Variants in DIRAS2 observed in about 807,000 individuals in gnomAD.
DIRAS2 encodes DIRAS family GTPase 2, also known as GTP-binding protein Di-Ras2.
In DIRAS2, 5 loss-of-function variants were observed where a neutral mutation model predicts 13.9. That is an observed-to-expected ratio of 0.36 (90% CI 0.19 to 0.76). The LOEUF is 0.76. Among genes scored for constraint, DIRAS2 ranks in the 30% least tolerant of loss-of-function variants. DIRAS2 has a pLI of 0.53. For synonymous variants in DIRAS2, 111 were observed against 105.4 expected (o/e 1.05, Z -0.33); for missense variants, 191 against 263.0 (o/e 0.73, Z 1.89).
rs149829847 is a variant in DIRAS2 at position 90,615,092 on chromosome 9, T to C, written c.-36-1229A>G. Among the ~76,000 whole-genome samples the C allele has an allele frequency of 5.9e-3, 897 of 152,368 alleles. 7 individuals carry two copies. Among genetic ancestry groups the C allele is most frequent in the South Asian group, 0.034 (162 of 4,830 alleles). On this transcript the variant is annotated intron_variant, in intron 1 of 1. Coordinates refer to ENST00000375765, the MANE Select transcript of DIRAS2 (RefSeq NM_017594.5). The stretch of plus-strand genomic sequence containing the variant: ...GCATTGTGCTGACTTTTCACCTTTC[T>C]AGTTTTAGGGCAACTTTGGAAAAAC...
At chr9:90,621,892 A>G (rs1409136482) in intron 1 of DIRAS2, among the ~76,000 whole-genome samples, 3 of 152,206 alleles carry the variant, frequency 2.0e-5, no homozygotes, top group Non-Finnish European at 4.4e-5. Context: ...TAAGATTTCC[A>G]GCTATGTTAT....
chr9:90,626,845 A>G (rs1260602172), intron 1 of DIRAS2, among the ~76,000 whole-genome samples: 1 of 152,204 alleles, frequency 6.6e-6, no homozygotes, highest in African/African-American at 2.4e-5. Context: ...CCGAAGGTGG[A>G]AGCAACCCAA....
Position 90,610,927 on chromosome 9 carries a change from A to T in DIRAS2, c.*2301T>A, listed in dbSNP as rs1337680476. On this transcript the variant is annotated 3_prime_UTR_variant, in exon 2 of 2. Transcript: ENST00000375765. ...AAACTGATTTGAAAGGGATAAAAGA[A>T]ATTCTGACTTACAATCAGTAGAAAT... The T allele has an allele frequency of 6.6e-6, 1 of 152,336 alleles. No homozygotes were observed. Among genetic ancestry groups the T allele is most frequent in the Non-Finnish European group, 1.5e-5 (1 of 68,118 alleles). 9.4% of individuals were successfully genotyped at this position (152,336 alleles called of 1,614,324 possible). A position where few individuals can be genotyped will look rare whatever the true frequency, so the allele number is the denominator to read the frequency against.
chr9:90,624,042 G>A (rs1825245778), intron 1 of DIRAS2, among the ~76,000 whole-genome samples: 1 of 151,630 alleles, frequency 6.6e-6, no homozygotes, highest in South Asian at 2.1e-4. Context: ...AAGCTAAAAG[G>A]TTTATACAGA....
At position 90,613,409 on chromosome 9, in the gene DIRAS2, G is replaced by C; in HGVS notation, c.419C>G (p.Ala140Gly). 6.2e-7 allele frequency: 1 copy of C among 1,614,110 alleles called. No homozygotes were observed. Among genetic ancestry groups the C allele is most frequent in the Non-Finnish European group, 8.5e-7 (1 of 1,180,026 alleles). ...CATGAAGGCACACTTCCATGTGCGGGCCAAGGCCTCCGCCTCGCTGCTCTG... is the reference window on the plus strand; with the variant it reads ...CATGAAGGCACACTTCCATGTGCGGCCCAAGGCCTCCGCCTCGCTGCTCTG... ...EVQSSEAEAL[A>G]RTWKCAFMET... The change falls in exon 2 of 2, where the codon GCC becomes GGC. Residue 140 changes from alanine (A) to glycine (G), a missense_variant. Physicochemically the swap from Ala to Gly is moderately conservative, Grantham distance 60 (BLOSUM62 0). Transcript: ENST00000375765. This position sits in a 1 kb window ranked among gnomAD's most constrained non-coding sequence, Gnocchi z 5.6.
chr9:90,639,908 G>T (rs4744473), intron 1 of DIRAS2, among the ~76,000 whole-genome samples: 53,684 of 152,020 alleles, frequency 0.35, 9,909 homozygotes, highest in South Asian at 0.56. Context: ...CGCCGAACAT[G>T]TTAGCTTTTA....
chr9:90,629,947 G>T (rs1044484684), intron 1 of DIRAS2, among the ~76,000 whole-genome samples: 8 of 152,152 alleles, frequency 5.3e-5, no homozygotes, highest in African/African-American at 1.7e-4. Context: ...TTAGGCAAAA[G>T]TACAAATGTT....
intron 1 of DIRAS2, among the ~76,000 whole-genome samples, chr9:90,615,238 G>C (rs1263068695): frequency 6.6e-6 from 1 of 152,188 alleles, no homozygotes; most frequent in Non-Finnish European, 1.5e-5. Context: ...CAGAACATCA[G>C]GTCAAAGCCC....
At chr9:90,624,535 G>A (rs1587722718) in intron 1 of DIRAS2, among the ~76,000 whole-genome samples, 1 of 152,130 alleles carries the variant, frequency 6.6e-6, no homozygotes, top group African/African-American at 2.4e-5. Context: ...GATAAATGGG[G>A]CACTTCTTGG....
intron 1 of DIRAS2, among the ~76,000 whole-genome samples, chr9:90,625,048 T>A (rs946151049): frequency 6.6e-5 from 10 of 152,234 alleles, no homozygotes; most frequent in African/African-American, 2.4e-4. Context: ...CAAACAAGAT[T>A]GTTGTCTTGG....
intron 1 of DIRAS2, among the ~76,000 whole-genome samples, chr9:90,629,270 A>G (rs1315986349): frequency 5.9e-5 from 9 of 152,230 alleles, no homozygotes; most frequent in South Asian, 2.1e-4. Context: ...CATAAAAACA[A>G]ATCTCTATAC....
At chr9:90,616,422 TATATC>T (rs1370892440) in intron 1 of DIRAS2, among the ~76,000 whole-genome samples, 6 of 152,120 alleles carry the variant, frequency 3.9e-5, no homozygotes, top group Admixed American at 6.6e-5. Context: ...TTTAATAAAT[TATATC>T]ATAGCAAGTG....
At chr9:90,620,684 A>G (rs1008044696) in intron 1 of DIRAS2, among the ~76,000 whole-genome samples, 1 of 151,968 alleles carries the variant, frequency 6.6e-6, no homozygotes, top group Non-Finnish European at 1.5e-5. Flanking sequence ...TGAACCCAGG[A>G]GCAGAGATCA....
intron 1 of DIRAS2, among the ~76,000 whole-genome samples, chr9:90,632,046 T>C (rs757605351): frequency 3.3e-5 from 5 of 152,202 alleles, no homozygotes; most frequent in African/African-American, 1.2e-4. Context: ...CATGAATCAC[T>C]TTCTCCATTG....
At chr9:90,635,228 T>C (rs1825359733) in intron 1 of DIRAS2, among the ~76,000 whole-genome samples, 1 of 152,232 alleles carries the variant, frequency 6.6e-6, no homozygotes, top group Admixed American at 6.5e-5. Context: ...GATGAACATT[T>C]CACGCCATGC....
In DIRAS2 at chr9:90,610,576, G is replaced by A; in HGVS notation, c.*2652C>T. On this transcript the variant is annotated 3_prime_UTR_variant, in exon 2 of 2. Coordinates refer to ENST00000375765, the MANE Select transcript of DIRAS2 (RefSeq NM_017594.5). The stretch of plus-strand genomic sequence containing the variant: ...GCTATGCCCATATGCAATGTAGGAT[G>A]TGTTTTCAAGAACCACAGCTACATA... 1 of 395,698 alleles carries A rather than the reference G, an allele frequency of 2.5e-6. No individual in the cohort carries two copies. The highest frequency in any genetic ancestry group is 2.1e-5 in the African/African-American group (1 of 48,672). The allele number at this position is 395,698 out of a possible 1,614,324, so 24.5% of individuals were successfully genotyped here.
At chr9:90,638,896 G>C (rs1349139221) in intron 1 of DIRAS2, among the ~76,000 whole-genome samples, 1 of 152,152 alleles carries the variant, frequency 6.6e-6, no homozygotes, top group Non-Finnish European at 1.5e-5. Context: ...CAATAAAACA[G>C]AGTGTAAGGA....
Position 90,612,123 on chromosome 9 carries a change from T to C in DIRAS2, c.*1105A>G, listed in dbSNP as rs1401598896. 6.5e-6 allele frequency: 1 copy of C among 152,806 alleles called. No individual in the cohort carries two copies. Among genetic ancestry groups the C allele is most frequent in the Admixed American group, 6.5e-5 (1 of 15,314 alleles). The allele number at this position is 152,806 out of a possible 1,614,324, so 9.5% of individuals were successfully genotyped here. A position where few individuals can be genotyped will look rare whatever the true frequency, so the allele number is the denominator to read the frequency against. ...GAACATGCAAGAGAATTTACTATTA[T>C]TTAAATGCATTTTCCAGGAACATAT... On this transcript the variant is annotated 3_prime_UTR_variant, in exon 2 of 2. Coordinates refer to ENST00000375765, the MANE Select transcript of DIRAS2 (RefSeq NM_017594.5).
chr9:90,636,920 A>G (rs1365283629), intron 1 of DIRAS2, among the ~76,000 whole-genome samples: 6 of 152,228 alleles, frequency 3.9e-5, no homozygotes, highest in Non-Finnish European at 1.5e-5. Flanking sequence ...ACCATAGCTT[A>G]GCCTTGCCTA....
Sources: gnomAD v4.1 joint callset for allele counts (sites outside exome capture counted in the v4.1 genomes callset) on GRCh38, gnomAD v4.1.1 for gene constraint, Gnocchi (gnomAD v3.1) non-coding constraint, MANE v1.5 for transcripts, NCBI Gene and HGNC (gene_info 2026-07-23, HGNC 2026-07-21) for gene names.